The following GUCY2C variants were observed in gnomAD, a reference collection of about 807,000 sequenced individuals.
The protein encoded by GUCY2C is guanylyl cyclase C.
In GUCY2C, 118 loss-of-function variants were observed where a neutral mutation model predicts 131.1. The observed-to-expected ratio is 0.90, with a 90% confidence interval of 0.78 to 1.05. The LOEUF (loss-of-function observed/expected upper bound fraction) is 1.05. Ranked by LOEUF, GUCY2C falls within the 50% of genes least tolerant of loss-of-function variation. GUCY2C has a pLI of 0.00. For synonymous variants in GUCY2C, 452 were observed against 457.8 expected (o/e 0.99, Z 0.16); for missense variants, 1,161 against 1,304.4 (o/e 0.89, Z 1.69).
At chr12:14,642,667 T>C (rs1947434522) in intron 17 of GUCY2C, among the ~76,000 whole-genome samples, 1 of 152,114 alleles carries the variant, frequency 6.6e-6, no homozygotes, top group South Asian at 2.1e-4. Flanking sequence ...TATAAGCGAG[T>C]GCTGTTTAAG....
Position 14,625,739 on chromosome 12 carries a change from C to A in GUCY2C, c.2408+18G>T. On this transcript the variant is annotated intron_variant, in intron 21 of 26. Transcript: ENST00000261170. ...GCTAGAGGGATTTCAGCCTCCACAT[C>A]AGCAAGGCTTGCCTTACCTTGGAAG... 1 of 1,612,106 alleles carries A rather than the reference C, an allele frequency of 6.2e-7. No individual in the cohort carries two copies. Among genetic ancestry groups the A allele is most frequent in the Non-Finnish European group, 8.5e-7 (1 of 1,178,562 alleles).
rs146025039 is a variant in GUCY2C, at chr12:14,651,497, G to A, written c.1620C>T (p.Asp540=). ...CGTAGAACTTGGTCAGGTTGTAATAGTCAATCTGAAGCAACTAGAAGAACG... is the reference window on the plus strand; with the variant it reads ...CGTAGAACTTGGTCAGGTTGTAATAATCAATCTGAAGCAACTAGAAGAACG... The part of the protein sequence containing the change: ...KIELNKLLQI[D]YYNLTKFYGT... The change falls in exon 15 of 27, where the codon GAC becomes GAT. Residue 540 remains aspartate, a synonymous_variant. Coordinates refer to ENST00000261170, the MANE Select transcript of GUCY2C (RefSeq NM_004963.4). 6.3e-5 allele frequency: 100 copies of A among 1,589,050 alleles called. No homozygotes were observed. Among genetic ancestry groups the A allele is most frequent in the Non-Finnish European group, 8.4e-5 (97 of 1,157,606 alleles).
At chr12:14,664,546 A>G (rs1947931410) in intron 10 of GUCY2C, among the ~76,000 whole-genome samples, 1 of 152,054 alleles carries the variant, frequency 6.6e-6, no homozygotes, top group Non-Finnish European at 1.5e-5. Flanking sequence ...TTAATTAAAC[A>G]TGCTTTTCAG....
intron 19 of GUCY2C, among the ~76,000 whole-genome samples, chr12:14,634,258 T>A (rs561589920): frequency 9.2e-5 from 14 of 152,046 alleles, no homozygotes; most frequent in Non-Finnish European, 1.9e-4. Context: ...AAAACCAAAT[T>A]CCAGTTAAGG....
chr12:14,674,495 G>A (rs755813217), intron 8 of GUCY2C, 130 bp downstream of exon 8: 3 of 840,834 alleles, frequency 3.6e-6, no homozygotes, highest in South Asian at 2.7e-5. Context: ...AATGATGTTT[G>A]CATCCAGTTG....
intron 18 of GUCY2C, 27 bp downstream of exon 18, chr12:14,641,055 G>A (rs1485925470): frequency 6.2e-7 from 1 of 1,609,058 alleles, no homozygotes; most frequent in Non-Finnish European, 8.5e-7. Context: ...ACTCCCAGAG[G>A]GGACACATGA....
At chr12:14,630,034 TGGAGGAAGAGGTAGGGAGACA>T (rs1947106422) in intron 19 of GUCY2C, among the ~76,000 whole-genome samples, 1 of 147,086 alleles carries the variant, frequency 6.8e-6, no homozygotes, top group East Asian at 1.9e-4. Flanking sequence ...AAGGGAGGTA[TGGAGGAAGAGGTAGGGAGACA>T]GGAGGAAGCC....
At chr12:14,651,695 T>C (rs1243826205) in intron 14 of GUCY2C, among the ~76,000 whole-genome samples, 184 bp from the exon 15 acceptor site, 1 of 152,238 alleles carries the variant, frequency 6.6e-6, no homozygotes, top group Non-Finnish European at 1.5e-5. Context: ...AACTTTCCTT[T>C]GTCAGTAAGA....
chr12:14,641,344 G>T, intron 17 of GUCY2C, 125 bp from the exon 18 acceptor site: 1 of 956,742 alleles, frequency 1.0e-6, no homozygotes, highest in Non-Finnish European at 1.5e-6. Context: ...CTTATAAGTG[G>T]CCTTGAATTG....
At position 14,696,234 on chromosome 12, in the gene GUCY2C, G is replaced by C. The variant is rs757449116; in HGVS notation, c.215C>G (p.Ala72Gly). The change falls in exon 1 of 27, where the codon GCT (alanine) becomes GGT (glycine). Residue 72 changes from alanine (A) to glycine (G), a missense_variant and splice_region_variant. By Grantham distance (60) the Ala-to-Gly change is moderately conservative. Transcript: ENST00000261170. ...LEIVRGRLQN[A>G]GLNVTVNATF... is the part of the protein sequence containing the mutation. The stretch of plus-strand genomic sequence containing the variant: ...AGATTCTATTAACATTTTCTTACCA[G>C]CATTTTGCAGACGTCCTCTCACTAT... 1 of 1,610,452 alleles carries C rather than the reference G, an allele frequency of 6.2e-7. No individual in the cohort carries two copies. Among genetic ancestry groups the C allele is most frequent in the South Asian group, 1.1e-5 (1 of 90,978 alleles).
At chr12:14,630,544 T>C (rs1947121580) in intron 19 of GUCY2C, among the ~76,000 whole-genome samples, 1 of 152,212 alleles carries the variant, frequency 6.6e-6, no homozygotes, top group Admixed American at 6.5e-5. Flanking sequence ...CACAAATATT[T>C]ACATAGTATT....
chr12:14,638,394 G>GT (rs1450173177), intron 19 of GUCY2C, among the ~76,000 whole-genome samples: 2 of 152,262 alleles, frequency 1.3e-5, no homozygotes, highest in African/African-American at 4.8e-5. Flanking sequence ...AGAAATCAGT[G>GT]TATCAAAGGA....
chr12:14,694,902 TG>T (rs1948630296), intron 1 of GUCY2C, among the ~76,000 whole-genome samples: 2 of 152,174 alleles, frequency 1.3e-5, no homozygotes, highest in African/African-American at 4.8e-5. Flanking sequence ...AAATGTTCAT[TG>T]AAGTATTATG....
chr12:14,658,558 T>A (rs1394402549), intron 11 of GUCY2C, among the ~76,000 whole-genome samples: 1 of 152,070 alleles, frequency 6.6e-6, no homozygotes, highest in South Asian at 2.1e-4. Flanking sequence ...CGCCTGTAAT[T>A]GTACCTACTA....
intron 15 of GUCY2C, among the ~76,000 whole-genome samples, chr12:14,649,493 A>G (rs1384768777): frequency 6.6e-6 from 1 of 152,186 alleles, no homozygotes. Flanking sequence ...ACTAAAATCT[A>G]TAGTTGTGAA....
At chr12:14,662,106 G>T (rs1947879971) in intron 10 of GUCY2C, among the ~76,000 whole-genome samples, 1 of 152,056 alleles carries the variant, frequency 6.6e-6, no homozygotes, top group Admixed American at 6.6e-5. Context: ...AAGTCAGTAG[G>T]TTCAAGAAGA....
At chr12:14,665,813 A>G (rs1473967811) in intron 10 of GUCY2C, 1 of 152,246 alleles carries the variant, frequency 6.6e-6, no homozygotes, top group Non-Finnish European at 1.5e-5. Context: ...GTACACACAG[A>G]TGCAAGTTCC....
In GUCY2C at chr12:14,645,288, G is replaced by C; in HGVS notation, c.1738C>G (p.Pro580Ala). The part of the protein sequence containing the change: ...REVLNDTISY[P>A]DGTFMDWEFK... ...TCCCAATCCATGAATGTGCCATCAG[G>C]GTAGGAAATTGTGTCATTTAAAACT... Residue 580 changes from proline to alanine, a missense_variant, in exon 16 of 27, where the codon CCT (proline) becomes GCT (alanine). Transcript: ENST00000261170. 6.3e-7 allele frequency: 1 copy of C among 1,594,568 alleles called. No homozygotes were observed. The highest frequency in any genetic ancestry group is 8.6e-7 in the Non-Finnish European group (1 of 1,163,170).
At chr12:14,620,974 CT>C in intron 23 of GUCY2C, 67 bp downstream of exon 23, 1 of 1,262,852 alleles carries the variant, frequency 7.9e-7, no homozygotes, top group Admixed American at 2.1e-5. Flanking sequence ...ACCTTTTATC[CT>C]TTCTGATTTA....
Sources: allele counts gnomAD v4.1 joint callset (sites outside exome capture counted in the v4.1 genomes callset), GRCh38; gene constraint gnomAD v4.1.1; transcripts MANE v1.5; gene names NCBI Gene and HGNC (gene_info 2026-07-23, HGNC 2026-07-21).